The following ADAMTS16 variants were observed in gnomAD, a reference collection of about 807,000 sequenced individuals.
ADAMTS16 encodes A disintegrin and metalloproteinase with thrombospondin motifs 16.
Under a neutral mutation model 145.8 loss-of-function variants are expected in ADAMTS16, and 94 were observed. The observed-to-expected ratio is 0.64, with a 90% confidence interval of 0.55 to 0.77. The LOEUF (loss-of-function observed/expected upper bound fraction) is 0.77. ADAMTS16 is among the 30% of genes least tolerant of loss of function. The pLI, the probability that ADAMTS16 is intolerant of heterozygous loss-of-function variation, is 0.00. For synonymous variants in ADAMTS16, 659 were observed against 604.3 expected, an observed-to-expected ratio of 1.09 and a Z score of -1.33; for missense variants, 1,585 against 1,591.5, an observed-to-expected ratio of 1.00 and a Z score of 0.07.
In ADAMTS16 at chr5:5,186,301, G is replaced by GGTGT. The variant is rs1553989063; in HGVS notation, c.963+81_963+84dup. On this transcript the variant is annotated intron_variant, in intron 5 of 22. Coordinates refer to ENST00000274181, the MANE Select transcript of ADAMTS16 (RefSeq NM_139056.4). ...CCACCTGTGTCATTGCACTTCGTAG[G>GGTGT]GTGTGTGTGTGTGTGTGTGTGTGTG... 1.2e-3 allele frequency: 1,188 copies of GGTGT among 986,856 alleles called. 1 individual carries two copies. The highest frequency in any genetic ancestry group is 2.5e-3 in the African/African-American group (142 of 57,808). 61.1% of individuals were successfully genotyped at this position (986,856 alleles called of 1,614,324 possible).
At chr5:5,293,627 C>A (rs1325964572) in intron 18 of ADAMTS16, among the ~76,000 whole-genome samples, 5 of 152,186 alleles carry the variant, frequency 3.3e-5, no homozygotes, top group Non-Finnish European at 5.9e-5. Context: ...TGTTTCCGTC[C>A]TTGTCCATGC....
At chr5:5,153,131 C>G (rs976410089) in intron 3 of ADAMTS16, among the ~76,000 whole-genome samples, 6 of 152,226 alleles carry the variant, frequency 3.9e-5, no homozygotes, top group African/African-American at 1.4e-4. Context: ...CATTGTGTCA[C>G]CTGAACTTTC....
chr5:5,206,188 A>T (rs1273610725), intron 9 of ADAMTS16, among the ~76,000 whole-genome samples: 2 of 151,368 alleles, frequency 1.3e-5, no homozygotes, highest in Non-Finnish European at 2.9e-5. Context: ...GCACTTTGGG[A>T]GGCCGAGGCG....
intron 18 of ADAMTS16, among the ~76,000 whole-genome samples, chr5:5,288,671 C>T (rs1240445513): frequency 6.6e-6 from 1 of 152,210 alleles, no homozygotes; most frequent in African/African-American, 2.4e-5. Flanking sequence ...AATATTCAAG[C>T]CCACAAAATT....
rs1163102827 is a variant in ADAMTS16, at chr5:5,140,399, T to C, written c.-69T>C. 1.4e-6 allele frequency: 2 copies of C among 1,453,638 alleles called. No homozygotes were observed. The highest frequency in any genetic ancestry group is 1.8e-6 in the Non-Finnish European group (2 of 1,102,604). 90.0% of individuals were successfully genotyped at this position (1,453,638 alleles called of 1,614,324 possible). A position where few individuals can be genotyped will look rare whatever the true frequency, so the allele number is the denominator to read the frequency against. ...CCCGCGCTCTGCCTGGGTCGGGTCC[T>C]CCCTGCCCGCTCGCACGCTGCCGGC... On this transcript the variant is annotated 5_prime_UTR_variant, in exon 1 of 23. Coordinates refer to ENST00000274181, the MANE Select transcript of ADAMTS16 (RefSeq NM_139056.4).
At chr5:5,289,213 G>A (rs886753895) in intron 18 of ADAMTS16, among the ~76,000 whole-genome samples, 4 of 150,006 alleles carry the variant, frequency 2.7e-5, no homozygotes, top group African/African-American at 9.7e-5. Flanking sequence ...AGAAAAAAAA[G>A]CTTAGTGCCC....
intron 9 of ADAMTS16, among the ~76,000 whole-genome samples, chr5:5,206,679 A>T (rs1027377168): frequency 6.6e-6 from 1 of 151,726 alleles, no homozygotes; most frequent in Non-Finnish European, 1.5e-5. Flanking sequence ...ACAGGAATTC[A>T]TCATGTTAGC....
chr5:5,252,509 C>A (rs1159058242), intron 17 of ADAMTS16, among the ~76,000 whole-genome samples: 1 of 152,088 alleles, frequency 6.6e-6, no homozygotes, highest in Non-Finnish European at 1.5e-5. Context: ...AAACTGAAGA[C>A]AAGGGCTTCC....
chr5:5,262,619 AT>A, intron 17 of ADAMTS16, 37 bp from the exon 18 acceptor site: 1 of 1,597,916 alleles, frequency 6.3e-7, no homozygotes, highest in Non-Finnish European at 8.5e-7. Flanking sequence ...TGGGGCATGC[AT>A]GTGAGTCTTT....
rs767357063 is a variant in ADAMTS16 at position 5,319,046 on chromosome 5, C to T, written c.3583C>T (p.His1195Tyr). ...AGATGCCTTCTGCAAAGACTACTTC[C>T]ACTGGTGCTACCTGGTACCCCAGCA... The part of the protein sequence containing the change: ...KKDAFCKDYF[H>Y]WCYLVPQHGM... The change falls in exon 23 of 23, where the codon CAC (histidine) becomes TAC (tyrosine). Residue 1195 changes from histidine (H) to tyrosine (Y), a missense_variant. Physicochemically the swap from His to Tyr is moderately conservative, Grantham distance 83 (BLOSUM62 2). This residue lies in a region of ADAMTS16 where 834 missense variants were observed against 811.7 expected (regional missense o/e 1.03). Transcript: ENST00000274181. 6 of 1,613,094 alleles carry T rather than the reference C, an allele frequency of 3.7e-6. No individual in the cohort carries two copies. Among genetic ancestry groups the T allele is most frequent in the Non-Finnish European group, 5.1e-6 (6 of 1,179,652 alleles).
At chr5:5,258,586 T>C (rs1417387469) in intron 17 of ADAMTS16, among the ~76,000 whole-genome samples, 2 of 152,130 alleles carry the variant, frequency 1.3e-5, no homozygotes, top group Non-Finnish European at 2.9e-5. Context: ...TTGAGTTTGA[T>C]TGAAAGGGAT....
intron 10 of ADAMTS16, among the ~76,000 whole-genome samples, 154 bp from the exon 11 acceptor site, chr5:5,222,635 A>G (rs1195213240): frequency 1.3e-5 from 2 of 152,194 alleles, no homozygotes; most frequent in African/African-American, 4.8e-5. Flanking sequence ...GTCTCCTTAC[A>G]CCTTACTCTA....
intron 21 of ADAMTS16, among the ~76,000 whole-genome samples, chr5:5,309,098 C>G (rs1031141122): frequency 6.6e-6 from 1 of 152,176 alleles, no homozygotes; most frequent in Non-Finnish European, 1.5e-5. Context: ...CTCACACACA[C>G]ATGCATAAAC....
intron 3 of ADAMTS16, among the ~76,000 whole-genome samples, chr5:5,159,046 C>A (rs190852625): frequency 6.6e-6 from 1 of 152,202 alleles, no homozygotes; most frequent in Non-Finnish European, 1.5e-5. Context: ...CAACATTTAC[C>A]TTGTTTGGTT....
chr5:5,216,261 T>G (rs902508308), intron 10 of ADAMTS16, among the ~76,000 whole-genome samples: 16 of 152,294 alleles, frequency 1.1e-4, no homozygotes, highest in African/African-American at 3.4e-4. Context: ...GGTATTGCAT[T>G]GTGATTTTGA....
intron 10 of ADAMTS16, among the ~76,000 whole-genome samples, chr5:5,214,255 C>G (rs1447829190): frequency 6.6e-6 from 1 of 152,070 alleles, no homozygotes; most frequent in Non-Finnish European, 1.5e-5. Context: ...AATTTGATAC[C>G]AGTTACTTCA....
chr5:5,161,845 C>T (rs1734749519), intron 3 of ADAMTS16, among the ~76,000 whole-genome samples: 1 of 152,112 alleles, frequency 6.6e-6, no homozygotes, highest in Non-Finnish European at 1.5e-5. Context: ...TTCTTCTGCT[C>T]CCTGTAACTA....
intron 18 of ADAMTS16, among the ~76,000 whole-genome samples, chr5:5,270,989 G>A (rs941062713): frequency 9.2e-5 from 14 of 152,190 alleles, no homozygotes; most frequent in Admixed American, 8.5e-4. Flanking sequence ...ACTAAGTGGG[G>A]CTCAGTGGGG....
At chr5:5,307,682 TC>T (rs1278748384) in intron 21 of ADAMTS16, among the ~76,000 whole-genome samples, 1 of 152,154 alleles carries the variant, frequency 6.6e-6, no homozygotes, top group Non-Finnish European at 1.5e-5. Context: ...AATTCCTTTC[TC>T]TCTCCTATTA....
Sources: allele counts gnomAD v4.1 joint callset (sites outside exome capture counted in the v4.1 genomes callset), GRCh38; gene constraint gnomAD v4.1.1; regional missense constraint gnomAD v4.1.1; transcripts MANE v1.5; gene names NCBI Gene and HGNC (gene_info 2026-07-23, HGNC 2026-07-21).